Variants in FARS2 observed in about 807,000 individuals in gnomAD.
FARS2 encodes phenylalanine--tRNA ligase, mitochondrial.
In FARS2, 40 loss-of-function variants were observed where a neutral mutation model predicts 46.4. That is an observed-to-expected ratio of 0.86 (90% CI 0.67 to 1.12). The LOEUF (loss-of-function observed/expected upper bound fraction) is 1.12. Among genes scored for constraint, FARS2 ranks in the 50% most tolerant of loss-of-function variants. The pLI, the probability that FARS2 is intolerant of heterozygous loss-of-function variation, is 0.00. For missense variants in FARS2, 513 were observed against 567.9 expected, an observed-to-expected ratio of 0.90 and a Z score of 0.98; for synonymous variants, 234 against 214.9, an observed-to-expected ratio of 1.09 and a Z score of -0.78.
intron 5 of FARS2, among the ~76,000 whole-genome samples, chr6:5,554,028 G>C (rs1267989235): frequency 1.3e-5 from 2 of 152,110 alleles, no homozygotes; most frequent in Non-Finnish European, 2.9e-5. Flanking sequence ...TCTGTAATTT[G>C]ATACCTTTGG....
intron 5 of FARS2, among the ~76,000 whole-genome samples, chr6:5,581,458 C>G (rs1400623369): frequency 6.6e-6 from 1 of 152,202 alleles, no homozygotes; most frequent in African/African-American, 2.4e-5. Context: ...GCTGAAGAAG[C>G]TGAACATCGT....
At chr6:5,525,713 G>A (rs1172896243) in intron 4 of FARS2, among the ~76,000 whole-genome samples, 1 of 152,230 alleles carries the variant, frequency 6.6e-6, no homozygotes, top group Non-Finnish European at 1.5e-5. Flanking sequence ...AGATACTTGG[G>A]AATAGATTGG....
At chr6:5,484,364 A>C (rs772796547) in intron 4 of FARS2, among the ~76,000 whole-genome samples, 2 of 152,200 alleles carry the variant, frequency 1.3e-5, no homozygotes, top group Non-Finnish European at 2.9e-5. Context: ...AATCGTGTGA[A>C]TATTAGGTTT....
intron 4 of FARS2, among the ~76,000 whole-genome samples, chr6:5,536,062 T>C (rs893293711): frequency 6.7e-6 from 1 of 149,768 alleles, no homozygotes; most frequent in Non-Finnish European, 1.5e-5. Flanking sequence ...TTTTTTTTTT[T>C]TTTTTTTGAG....
At chr6:5,388,037 A>ATT (rs11461812) in intron 2 of FARS2, among the ~76,000 whole-genome samples, 36 of 150,272 alleles carry the variant, frequency 2.4e-4, no homozygotes, top group African/African-American at 4.4e-4. Flanking sequence ...TGGTGAACCA[A>ATT]TTTTTTTTTT....
chr6:5,658,480 A>G (rs1777705496), intron 6 of FARS2, among the ~76,000 whole-genome samples: 1 of 152,190 alleles, frequency 6.6e-6, no homozygotes, highest in South Asian at 2.1e-4. Flanking sequence ...GTACCCTTCT[A>G]TTCCCAAGAG....
chr6:5,556,521 A>G (rs1305393054), intron 5 of FARS2, among the ~76,000 whole-genome samples: 2 of 151,828 alleles, frequency 1.3e-5, no homozygotes, highest in Non-Finnish European at 2.9e-5. Context: ...CCTGTAGTCT[A>G]TGGAGTCCTA....
intron 4 of FARS2, among the ~76,000 whole-genome samples, chr6:5,532,889 T>TC (rs1449699116): frequency 6.6e-6 from 1 of 152,074 alleles, no homozygotes; most frequent in East Asian, 1.9e-4. Context: ...ATTGAAGAAT[T>TC]CCTAGAAGTC....
chr6:5,704,664 C>T (rs985504181), intron 6 of FARS2, among the ~76,000 whole-genome samples: 8 of 152,196 alleles, frequency 5.3e-5, no homozygotes, highest in African/African-American at 1.9e-4. Context: ...AATCCTAGAA[C>T]TCAAGACATA....
chr6:5,690,968 C>T (rs1249426470), intron 6 of FARS2, among the ~76,000 whole-genome samples: 2 of 152,090 alleles, frequency 1.3e-5, no homozygotes, highest in African/African-American at 4.8e-5. Flanking sequence ...TCACTGATAC[C>T]CTTTCTTCCA....
intron 1 of FARS2, among the ~76,000 whole-genome samples, chr6:5,285,458 C>T (rs569621315): frequency 1.3e-5 from 2 of 152,132 alleles, no homozygotes; most frequent in Non-Finnish European, 2.9e-5. Flanking sequence ...GTGTATTATA[C>T]CTTTGTGAGC....
At chr6:5,614,411 C>CTTTTTTTTTTTTT (rs199992978) in intron 6 of FARS2, among the ~76,000 whole-genome samples, 27 of 139,472 alleles carry the variant, frequency 1.9e-4, no homozygotes, top group African/African-American at 5.4e-4. Context: ...CCTTCTTTGT[C>CTTTTTTTTTTTTT]TTTTTTTTTT....
chr6:5,599,714 A>G (rs1240391493), intron 5 of FARS2, among the ~76,000 whole-genome samples: 2 of 152,246 alleles, frequency 1.3e-5, no homozygotes, highest in Non-Finnish European at 2.9e-5. Context: ...TCATCACCCC[A>G]GAAGATACTG....
At chr6:5,376,172 C>T (rs1476975198) in intron 2 of FARS2, among the ~76,000 whole-genome samples, 1 of 152,078 alleles carries the variant, frequency 6.6e-6, no homozygotes, top group Non-Finnish European at 1.5e-5. Flanking sequence ...TCTGAAAATG[C>T]ATATAGGTGG....
At chr6:5,521,397 G>T (rs1019321830) in intron 4 of FARS2, among the ~76,000 whole-genome samples, 5 of 151,368 alleles carry the variant, frequency 3.3e-5, no homozygotes, top group African/African-American at 7.3e-5. Flanking sequence ...GATGAGGATA[G>T]CCCCTAAAGC....
At position 5,287,001 on chromosome 6, in the gene FARS2, G is replaced by A. The variant is rs377127537; in HGVS notation, c.-22+25341G>A. On this transcript the variant is annotated intron_variant, in intron 1 of 6. Transcript: ENST00000274680. ...TGCACTTGTGGCCCCAGGCCTGGCC[G>A]CCTGTGGAGCACAGAGCATGGCCAT... Among the ~76,000 whole-genome samples the A allele has an allele frequency of 6.6e-5, 10 of 152,352 alleles. No homozygotes were observed. The South Asian group carries it at 1.4e-3, about 22-fold the overall frequency.
chr6:5,642,214 T>C (rs73718336), intron 6 of FARS2, among the ~76,000 whole-genome samples: 3,441 of 152,296 alleles, frequency 0.023, 92 homozygotes, highest in African/African-American at 0.056. Flanking sequence ...GCATACACAA[T>C]ACATATTTTA....
chr6:5,474,594 T>C (rs1766001122), intron 4 of FARS2, among the ~76,000 whole-genome samples: 1 of 151,904 alleles, frequency 6.6e-6, no homozygotes, highest in Admixed American at 6.6e-5. Context: ...GCAATTGTAA[T>C]GTGACGGTAC....
chr6:5,592,462 C>G (rs1561737017), intron 5 of FARS2, among the ~76,000 whole-genome samples: 1 of 151,974 alleles, frequency 6.6e-6, no homozygotes, highest in Non-Finnish European at 1.5e-5. Context: ...TTGACTGGTT[C>G]AAATCTTTAA....
Sources: allele counts gnomAD v4.1 joint callset (sites outside exome capture counted in the v4.1 genomes callset), GRCh38; gene constraint gnomAD v4.1.1; transcripts MANE v1.5; gene names NCBI Gene and HGNC (gene_info 2026-07-23, HGNC 2026-07-21).